LHX9: variants seen among roughly 807,000 people sequenced by gnomAD.
LHX9 encodes LIM/homeobox protein Lhx9.
In LHX9, 9 loss-of-function variants were observed where a neutral mutation model predicts 36.5. The observed-to-expected ratio is 0.25, with a 90% CI of 0.15 to 0.43. The LOEUF (loss-of-function observed/expected upper bound fraction) is 0.43. Among genes scored for constraint, LHX9 ranks in the 20% least tolerant of loss-of-function variants. LHX9 has a pLI of 1.00. For synonymous variants in LHX9, 211 were observed against 212.1 expected, an observed-to-expected ratio of 0.99 and a Z score of 0.04; for missense variants, 464 against 526.4, an observed-to-expected ratio of 0.88 and a Z score of 1.16.
rs779238895 is a variant in LHX9, at chr1:197,932,084, AAGAG to A, written c.*2837_*2840del. 3.3e-5 allele frequency: 24 copies of A among 725,914 alleles called. No homozygotes were observed. Among genetic ancestry groups the A allele is most frequent in the Admixed American group, 1.7e-4 (6 of 35,028 alleles). 45.0% of individuals were successfully genotyped at this position (725,914 alleles called of 1,614,324 possible). Reference sequence around the variant, plus strand: ...TAAAAAATTTATTAAGCCAAAAAAAAAGAGAGAGAGAGAGACTTAAATGTCATTT... The same window carrying A: ...TAAAAAATTTATTAAGCCAAAAAAAAAGAGAGAGAGACTTAAATGTCATTT... On this transcript the variant is annotated 3_prime_UTR_variant, in exon 5 of 5. Transcript: ENST00000367387.
At position 197,931,905 on chromosome 1, in the gene LHX9, A is replaced by G. The variant is rs2102605497; in HGVS notation, c.*2646A>G. The G allele has an allele frequency of 6.5e-7, 1 of 1,546,734 alleles. No individual in the cohort carries two copies. The highest frequency in any genetic ancestry group is 8.7e-7 in the Non-Finnish European group (1 of 1,143,902). Reference sequence around the variant, plus strand: ...GCTCTGTAGTTAATAAATTGTCACTATGATTTTTTTCAGGGAGAACAAATC... The same window carrying G: ...GCTCTGTAGTTAATAAATTGTCACTGTGATTTTTTTCAGGGAGAACAAATC... On this transcript the variant is annotated 3_prime_UTR_variant, in exon 5 of 5. Coordinates refer to ENST00000367387, the MANE Select transcript of LHX9 (RefSeq NM_020204.3).
intron 3 of LHX9, among the ~76,000 whole-genome samples, chr1:197,922,396 T>A (rs1660020846): frequency 6.6e-6 from 1 of 152,144 alleles, no homozygotes; most frequent in South Asian, 2.1e-4. Flanking sequence ...CCTTCTCTCT[T>A]CATTAAAAAC....
At chr1:197,913,339 C>A (rs577217452), upstream of LHX9, among the ~76,000 whole-genome samples, 2 of 152,174 alleles carry the variant, frequency 1.3e-5, no homozygotes, top group Non-Finnish European at 2.9e-5. Context: ...GGCAAGGGTG[C>A]GCAGCTGGAG....
In LHX9 at chr1:197,929,386, A is replaced by C; in HGVS notation, c.*127A>C. On this transcript the variant is annotated 3_prime_UTR_variant, in exon 5 of 5. Transcript: ENST00000367387. The stretch of plus-strand genomic sequence containing the variant: ...CCCACAAGATATTTGGGGAATAAAA[A>C]TAACAGCTTGGTGTGTAGCATCTGC... 3 of 1,187,760 alleles carry C rather than the reference A, an allele frequency of 2.5e-6. No individual in the cohort carries two copies. The highest frequency in any genetic ancestry group is 3.1e-6 in the Non-Finnish European group (3 of 965,060). The allele number at this position is 1,187,760 out of a possible 1,614,324, so 73.6% of individuals were successfully genotyped here. A position where few individuals can be genotyped will look rare whatever the true frequency, so the allele number is the denominator to read the frequency against.
At chr1:197,925,288 T>C (rs1021737637) in intron 3 of LHX9, among the ~76,000 whole-genome samples, 1 of 152,234 alleles carries the variant, frequency 6.6e-6, no homozygotes, top group Non-Finnish European at 1.5e-5. Flanking sequence ...TTATTTTTCA[T>C]AAATTTCATT....
chr1:197,927,273 G>T (rs547541637), intron 3 of LHX9, among the ~76,000 whole-genome samples: 2 of 152,144 alleles, frequency 1.3e-5, no homozygotes, highest in African/African-American at 4.8e-5. Flanking sequence ...TCTCACTCTC[G>T]TAGGTCTCTC....
upstream of LHX9, among the ~76,000 whole-genome samples, chr1:197,914,316 C>T (rs1393522415): frequency 4.6e-5 from 7 of 152,230 alleles, no homozygotes; most frequent in Non-Finnish European, 8.8e-5. Context: ...ACCTGTCCCT[C>T]AGCTCAGGAA....
Position 197,921,513 on chromosome 1 carries a change from C to T in LHX9, c.587C>T (p.Pro196Leu), listed in dbSNP as rs747062980. 2 of 1,614,152 alleles carry T rather than the reference C, an allele frequency of 1.2e-6. No homozygotes were observed. The highest frequency in any genetic ancestry group is 1.7e-6 in the Non-Finnish European group (2 of 1,180,026). Residue 196 changes from proline to leucine, a missense_variant, in exon 3 of 5, where the codon CCA becomes CTA. Around this residue, in one of 5 missense-constraint regions of LHX9, gnomAD observed 130 missense variants for 109.6 expected, o/e 1.19. Coordinates refer to ENST00000367387, the MANE Select transcript of LHX9 (RefSeq NM_020204.3). The surrounding 1 kb of genome is among the most constrained non-coding windows in gnomAD (Gnocchi z 4.6). The part of the protein sequence containing the change: ...HFETLLQGEY[P>L]PQLSYTELAA... ...GAGACCCTCTTGCAAGGAGAGTATCCACCGCAGCTGAGCTACACGGAGCTG... is the reference window on the plus strand; with the variant it reads ...GAGACCCTCTTGCAAGGAGAGTATCTACCGCAGCTGAGCTACACGGAGCTG...
rs1660328875 is a variant in LHX9, at chr1:197,931,606, T to G, written c.*2347T>G. The G allele has an allele frequency of 8.0e-6, 2 of 250,810 alleles. No homozygotes were observed. The highest frequency in any genetic ancestry group is 4.4e-5 in the African/African-American group (2 of 45,270). The allele number at this position is 250,810 out of a possible 1,614,324, so 15.5% of individuals were successfully genotyped here. A position where few individuals can be genotyped will look rare whatever the true frequency, so the allele number is the denominator to read the frequency against. On this transcript the variant is annotated 3_prime_UTR_variant, in exon 5 of 5. Transcript: ENST00000367387. ...TTAAACATACAAATAGTTTTTAGACTTCCAAACTTCTGATTCATATGAAAT... is the reference window on the plus strand; with the variant it reads ...TTAAACATACAAATAGTTTTTAGACGTCCAAACTTCTGATTCATATGAAAT...
rs1389556342 is a variant in LHX9, at chr1:197,934,836, C to T, written c.*5577C>T. 1.3e-5 allele frequency: 2 copies of T among 151,538 alleles called. No individual in the cohort carries two copies. The highest frequency in any genetic ancestry group is 3.9e-4 in the East Asian group (2 of 5,154). The allele number at this position is 151,538 out of a possible 1,614,324, so 9.4% of individuals were successfully genotyped here. ...AACATTTTAATAATAGTGCTCTGCCCTCACAACAGTTTTTTTTTCAGAATA... is the reference window on the plus strand; with the variant it reads ...AACATTTTAATAATAGTGCTCTGCCTTCACAACAGTTTTTTTTTCAGAATA... On this transcript the variant is annotated 3_prime_UTR_variant, in exon 5 of 5. Transcript: ENST00000367387.
At chr1:197,927,517 A>T in intron 3 of LHX9, 74 bp from the exon 4 acceptor site, 3 of 1,269,946 alleles carry the variant, frequency 2.4e-6, no homozygotes, top group Non-Finnish European at 2.3e-6. Context: ...TAGCAGTGTC[A>T]TACAGCCTGC....
chr1:197,915,646 G>A (rs1659723926), upstream of LHX9, among the ~76,000 whole-genome samples: 1 of 152,112 alleles, frequency 6.6e-6, no homozygotes, highest in African/African-American at 2.4e-5. Context: ...CTTAAACTGC[G>A]TCCAGTCTGC....
chr1:197,921,249 G>A lies in LHX9; in HGVS notation c.378-55G>A. ...AGACCAAACCCAGGTGTCGCGGGTG[G>A]GATATGGCTCTGCCTTGCTTCAACT... On this transcript the variant is annotated intron_variant, in intron 2 of 4. Coordinates refer to ENST00000367387, the MANE Select transcript of LHX9 (RefSeq NM_020204.3). This position sits in a 1 kb window ranked among gnomAD's most constrained non-coding sequence, Gnocchi z 4.6. 1.3e-6 allele frequency: 2 copies of A among 1,491,918 alleles called. No individual in the cohort carries two copies. The highest frequency in any genetic ancestry group is 1.8e-6 in the Non-Finnish European group (2 of 1,092,748). The allele number at this position is 1,491,918 out of a possible 1,614,324, so 92.4% of individuals were successfully genotyped here.
rs780288990 is a variant in LHX9 at position 197,917,985 on chromosome 1, C to T, written c.162C>T (p.Asn54=). Reference sequence around the variant, plus strand: ...GTCTGGCCAAAGGCGCCCAGCTCAACGGCCGCGACGCGGTAAGGAAGGGCT... The same window carrying T: ...GTCTGGCCAAAGGCGCCCAGCTCAATGGCCGCGACGCGGTAAGGAAGGGCT... ...EARLAKGAQL[N]GRDAGMPPLS... is the part of the protein sequence containing the mutation. The change falls in exon 1 of 5, where the codon AAC becomes AAT. Residue 54 remains asparagine, a synonymous_variant. Transcript: ENST00000367387. The T allele has an allele frequency of 3.7e-6, 6 of 1,613,004 alleles. No homozygotes were observed. Among genetic ancestry groups the T allele is most frequent in the Non-Finnish European group, 5.1e-6 (6 of 1,179,506 alleles).
chr1:197,929,923 A>G lies in LHX9; in HGVS notation c.*664A>G. On this transcript the variant is annotated 3_prime_UTR_variant, in exon 5 of 5. Transcript: ENST00000367387. ...CTTCTCTTAGGGGTGTACAACTCTAAAAACTTTTTACTTGGTTATTTGTTT... is the reference window on the plus strand; with the variant it reads ...CTTCTCTTAGGGGTGTACAACTCTAGAAACTTTTTACTTGGTTATTTGTTT... The G allele has an allele frequency of 1.0e-6, 1 of 979,994 alleles. No homozygotes were observed. The highest frequency in any genetic ancestry group is 1.2e-6 in the Non-Finnish European group (1 of 824,908). 60.7% of individuals were successfully genotyped at this position (979,994 alleles called of 1,614,324 possible). A position where few individuals can be genotyped will look rare whatever the true frequency, so the allele number is the denominator to read the frequency against.
chr1:197,922,347 G>A (rs192043052), intron 3 of LHX9, among the ~76,000 whole-genome samples: 267 of 152,262 alleles, frequency 1.8e-3, no homozygotes, highest in South Asian at 3.7e-3. Context: ...TCCTGAAGAG[G>A]CTTAGTGGTA....
intron 2 of LHX9, among the ~76,000 whole-genome samples, chr1:197,920,713 GA>G (rs1349736272): frequency 6.6e-6 from 1 of 152,190 alleles, no homozygotes; most frequent in African/African-American, 2.4e-5. Flanking sequence ...CCAGATTGGA[GA>G]AAATCAGCAG....
At chr1:197,927,506 A>G (rs1321347085) in intron 3 of LHX9, 85 bp from the exon 4 acceptor site, 19 of 1,103,850 alleles carry the variant, frequency 1.7e-5, no homozygotes, top group Middle Eastern at 4.8e-4. Flanking sequence ...CTTTATTACC[A>G]TAGCAGTGTC....
upstream of LHX9, among the ~76,000 whole-genome samples, chr1:197,913,888 A>T (rs1557968677): frequency 6.6e-6 from 1 of 152,150 alleles, no homozygotes; most frequent in Non-Finnish European, 1.5e-5. Flanking sequence ...AAATATGCAC[A>T]TTTGTTGGGT....
Sources: allele counts gnomAD v4.1 joint callset (sites outside exome capture counted in the v4.1 genomes callset), GRCh38; gene constraint gnomAD v4.1.1; regional missense constraint gnomAD v4.1.1; non-coding constraint Gnocchi (gnomAD v3.1); transcripts MANE v1.5; gene names NCBI Gene and HGNC (gene_info 2026-07-23, HGNC 2026-07-21).